Variants in DCDC1 observed in about 807,000 individuals in gnomAD.
DCDC1 encodes the protein doublecortin domain containing 1, also known as doublecortin domain-containing protein 1.
A neutral mutation model predicts 178.3 loss-of-function variants in DCDC1; 200 were observed. The ratio of observed to expected loss-of-function variants is 1.12; its 90% CI spans 1.00 to 1.26. DCDC1 has a LOEUF of 1.26. DCDC1 is among the 50% of genes most tolerant of loss of function. The pLI is 0.00. For synonymous variants in DCDC1, 690 were observed against 604.8 expected, an observed-to-expected ratio of 1.14 and a Z score of -2.07; for missense variants, 1,983 against 1,749.2, an observed-to-expected ratio of 1.13 and a Z score of -2.38.
chr11:30,933,775 A>G (rs1376252029), intron 21 of DCDC1, among the ~76,000 whole-genome samples: 2 of 152,180 alleles, frequency 1.3e-5, no homozygotes, highest in African/African-American at 4.8e-5. Context: ...TCCTGCCACA[A>G]TTATAAGAGA....
intron 11 of DCDC1, among the ~76,000 whole-genome samples, chr11:31,111,425 T>C (rs1255377630): frequency 2.0e-5 from 3 of 151,734 alleles, no homozygotes; most frequent in South Asian, 4.2e-4. Context: ...AAAAGAAAAA[T>C]AAAAAGAGTA....
intron 1 of DCDC1, among the ~76,000 whole-genome samples, chr11:31,346,350 G>A (rs1950811112): frequency 6.6e-6 from 1 of 151,336 alleles, no homozygotes; most frequent in South Asian, 2.1e-4. Context: ...TGTAATCCCA[G>A]CTACTCAGGA....
At chr11:30,971,268 A>C (rs1348102672) in intron 20 of DCDC1, among the ~76,000 whole-genome samples, 1 of 152,208 alleles carries the variant, frequency 6.6e-6, no homozygotes, top group Non-Finnish European at 1.5e-5. Flanking sequence ...TCAAGAAAAG[A>C]TCACATCTCC....
chr11:30,926,904 C>T (rs1946624605), intron 22 of DCDC1, among the ~76,000 whole-genome samples: 1 of 151,996 alleles, frequency 6.6e-6, no homozygotes, highest in Admixed American at 6.6e-5. Flanking sequence ...CAAGATCAGC[C>T]TGGGCAACAT....
chr11:31,040,679 A>C (rs529633833), intron 20 of DCDC1, among the ~76,000 whole-genome samples: 74 of 152,366 alleles, frequency 4.9e-4, no homozygotes, highest in Non-Finnish European at 8.5e-4. Context: ...TTTAGGGCCT[A>C]GATCTGAGAA....
intron 16 of DCDC1, 67 bp from the exon 17 acceptor site, chr11:31,091,578 T>C (rs1412051178): frequency 5.8e-6 from 4 of 692,914 alleles, no homozygotes; most frequent in Non-Finnish European, 1.1e-5. Context: ...TTCAACAATG[T>C]GTCACAAATA....
At position 31,031,570 on chromosome 11, in the gene DCDC1, A is replaced by C. The variant is rs191210915; in HGVS notation, c.2591+32899T>G. Among the ~76,000 whole-genome samples the C allele has an allele frequency of 3.3e-3, 500 of 152,276 alleles. 1 individual carries two copies. The highest frequency in any genetic ancestry group is 8.7e-3 in the Admixed American group (133 of 15,288). On this transcript the variant is annotated intron_variant, in intron 20 of 38. Transcript: ENST00000684477. ...ATGTTATTTTTACTACTTATTGTGGAAAAGTGGTAAAAATGTACACACTTA... is the reference window on the plus strand; with the variant it reads ...ATGTTATTTTTACTACTTATTGTGGCAAAGTGGTAAAAATGTACACACTTA...
chr11:30,936,107 T>A (rs921999296), intron 21 of DCDC1, among the ~76,000 whole-genome samples: 7 of 152,162 alleles, frequency 4.6e-5, no homozygotes, highest in Non-Finnish European at 1.0e-4. Context: ...CTGGAAGTGG[T>A]GAACCATGAA....
intron 15 of DCDC1, among the ~76,000 whole-genome samples, chr11:31,098,678 C>T (rs1958309724): frequency 6.6e-6 from 1 of 152,184 alleles, no homozygotes; most frequent in Non-Finnish European, 1.5e-5. Flanking sequence ...ATAAAATGCC[C>T]TATAGATATC....
At chr11:30,990,124 G>T in intron 20 of DCDC1, among the ~76,000 whole-genome samples, 1 of 152,138 alleles carries the variant, frequency 6.6e-6, no homozygotes, top group East Asian at 1.9e-4. Flanking sequence ...AATCAGAGCT[G>T]CCTCAGAATC....
chr11:31,172,586 C>T (rs979829131), intron 9 of DCDC1, among the ~76,000 whole-genome samples: 1 of 152,132 alleles, frequency 6.6e-6, no homozygotes, highest in Admixed American at 6.5e-5. Flanking sequence ...TACTCTTGAC[C>T]AGAAGCCTTA....
In DCDC1 at chr11:30,961,909, T is replaced by C. The variant is rs141485573; in HGVS notation, c.2592-9341A>G. 3.3e-3 allele frequency among the ~76,000 whole-genome samples: 503 copies of C among 152,144 alleles called. 1 individual carries two copies. The highest frequency in any genetic ancestry group is 0.012 in the African/African-American group (478 of 41,532). ...GTACTCTGGACAGGGAACAAATCAC[T>C]CCAAATTTGGAACTACATGCACAAG... On this transcript the variant is annotated intron_variant, in intron 20 of 38. Transcript: ENST00000684477.
intron 38 of DCDC1, among the ~76,000 whole-genome samples, chr11:30,874,706 G>A (rs1941955944): frequency 6.6e-6 from 1 of 152,052 alleles, no homozygotes; most frequent in African/African-American, 2.4e-5. Flanking sequence ...TCCAGTGGTG[G>A]CACCAGAGAT....
At chr11:30,892,758 A>C (rs1166128874) in intron 36 of DCDC1, 60 bp downstream of exon 36, 69 of 1,589,990 alleles carry the variant, frequency 4.3e-5, no homozygotes, top group Non-Finnish European at 5.8e-5. Flanking sequence ...ACAATCTAGA[A>C]ATATCAGAGC....
intron 7 of DCDC1, among the ~76,000 whole-genome samples, chr11:31,271,711 G>T (rs1345824777): frequency 6.6e-6 from 1 of 152,142 alleles, no homozygotes; most frequent in Non-Finnish European, 1.5e-5. Flanking sequence ...CCAAGACTGG[G>T]CAATTTACAA....
chr11:30,883,470 C>G (rs1049700563), intron 36 of DCDC1: 4 of 459,688 alleles, frequency 8.7e-6, no homozygotes, highest in African/African-American at 8.1e-5. Flanking sequence ...TAGAAGAAAA[C>G]TTTCCTGCTC....
intron 20 of DCDC1, among the ~76,000 whole-genome samples, chr11:30,953,587 G>C (rs1034706444): frequency 1.3e-5 from 2 of 151,946 alleles, no homozygotes; most frequent in Non-Finnish European, 2.9e-5. Context: ...ATGTGAAGGG[G>C]AATTATAATA....
At chr11:31,213,144 TC>T (rs1972942096) in intron 9 of DCDC1, among the ~76,000 whole-genome samples, 1 of 139,524 alleles carries the variant, frequency 7.2e-6, no homozygotes, top group Non-Finnish European at 1.5e-5. Context: ...TCTCTCTCTC[TC>T]TCTCTCTCTC....
intron 21 of DCDC1, among the ~76,000 whole-genome samples, chr11:30,949,853 C>CG (rs1037876396): frequency 2.1e-5 from 1 of 47,546 alleles, no homozygotes; most frequent in Non-Finnish European, 4.1e-5. Context: ...TGGGGCCTGT[C>CG]GGGGGGTGGG....
Sources: allele counts gnomAD v4.1 joint callset (sites outside exome capture counted in the v4.1 genomes callset), GRCh38; gene constraint gnomAD v4.1.1; transcripts MANE v1.5; gene names NCBI Gene and HGNC (gene_info 2026-07-23, HGNC 2026-07-21).